MEIS1: variants seen among roughly 807,000 people sequenced by gnomAD.
MEIS1 encodes the protein homeobox protein Meis1.
MEIS1 carries 5 observed loss-of-function variants against 50.8 expected under a neutral mutation model. The ratio of observed to expected loss-of-function variants is 0.10; its 90% CI spans 0.05 to 0.21. The LOEUF is 0.21. MEIS1 is among the 10% of genes least tolerant of loss of function. The pLI is 1.00. For missense variants in MEIS1, 318 were observed against 517.3 expected (o/e 0.61, Z 3.74); for synonymous variants, 176 against 179.3 (o/e 0.98, Z 0.15).
At chr2:66,494,627 C>T (rs1190306713) in intron 7 of MEIS1, among the ~76,000 whole-genome samples, 3 of 152,190 alleles carry the variant, frequency 2.0e-5, no homozygotes, top group Non-Finnish European at 4.4e-5. Context: ...GGAAAATGCA[C>T]CTACCTCTGT....
intron 7 of MEIS1, among the ~76,000 whole-genome samples, chr2:66,489,386 A>G (rs190104089): frequency 4.6e-5 from 7 of 152,332 alleles, no homozygotes; most frequent in Non-Finnish European, 1.0e-4. Flanking sequence ...GAAACACTCT[A>G]TATTTCAACA....
At chr2:66,504,531 C>T (rs1269166203) in intron 7 of MEIS1, among the ~76,000 whole-genome samples, 3 of 152,148 alleles carry the variant, frequency 2.0e-5, no homozygotes, top group Middle Eastern at 3.4e-3. Flanking sequence ...CCACTGTGCC[C>T]GGCCTATTAA....
intron 7 of MEIS1, among the ~76,000 whole-genome samples, chr2:66,470,176 G>A (rs1277347102): frequency 1.3e-5 from 2 of 152,122 alleles, no homozygotes; most frequent in Non-Finnish European, 2.9e-5. Flanking sequence ...ACTTTTGGGA[G>A]GAGAGAAAAG....
intron 6 of MEIS1, among the ~76,000 whole-genome samples, chr2:66,446,555 T>A (rs1288149828): frequency 6.6e-6 from 1 of 152,130 alleles, no homozygotes; most frequent in Non-Finnish European, 1.5e-5. Context: ...ATGGTCCCTT[T>A]GGATTACAGT....
At chr2:66,564,057 A>G (rs947763004) in intron 9 of MEIS1, among the ~76,000 whole-genome samples, 2 of 152,170 alleles carry the variant, frequency 1.3e-5, no homozygotes, top group African/African-American at 4.8e-5. Flanking sequence ...GTTCTGAGAG[A>G]TTACTACATC....
intron 6 of MEIS1, among the ~76,000 whole-genome samples, chr2:66,451,701 T>C (rs1259638313): frequency 1.3e-5 from 2 of 152,064 alleles, no homozygotes; most frequent in Non-Finnish European, 2.9e-5. Flanking sequence ...AATTTCAAAC[T>C]ACATGATGTA....
intron 8 of MEIS1, 24 bp from the exon 9 acceptor site, chr2:66,547,918 AC>A: frequency 6.2e-7 from 1 of 1,611,816 alleles, no homozygotes; most frequent in Non-Finnish European, 8.5e-7. Flanking sequence ...CCTGATGCAC[AC>A]GTATCTTTTT....
At chr2:66,453,142 T>C (rs7593242) in intron 6 of MEIS1, among the ~76,000 whole-genome samples, 2,041 of 152,114 alleles carry the variant, frequency 0.013, 49 homozygotes, top group African/African-American at 0.047. Context: ...GCCATCCTAA[T>C]AGTGAATTGT....
intron 7 of MEIS1, among the ~76,000 whole-genome samples, chr2:66,473,378 C>CAAAAAAAAAAAAAAAA (rs71409174): frequency 3.7e-5 from 2 of 53,962 alleles, no homozygotes; most frequent in African/African-American, 2.9e-4. Flanking sequence ...GACTCCATGT[C>CAAAAAAAAAAAAAAAA]AAAAAAAAAA....
At chr2:66,568,514 CTGAG>C in intron 10 of MEIS1, 149 bp from the exon 11 acceptor site, 3 of 434,490 alleles carry the variant, frequency 6.9e-6, no homozygotes, top group Non-Finnish European at 1.2e-5. Context: ...TAGATCTAGT[CTGAG>C]AGAAATTTCA....
chr2:66,521,568 C>T (rs1674122676), intron 8 of MEIS1, among the ~76,000 whole-genome samples: 1 of 152,136 alleles, frequency 6.6e-6, no homozygotes, highest in Admixed American at 6.5e-5. Flanking sequence ...CATTTTAAAG[C>T]TAGTAATAAC....
intron 6 of MEIS1, chr2:66,443,790 C>A (rs564292400): frequency 3.5e-4 from 54 of 152,646 alleles, no homozygotes; most frequent in African/African-American, 1.2e-3. Flanking sequence ...ATCAGGGGCA[C>A]CCCGGCGGCT....
chr2:66,559,465 A>G (rs1675157310), intron 9 of MEIS1, among the ~76,000 whole-genome samples: 2 of 152,188 alleles, frequency 1.3e-5, no homozygotes, highest in East Asian at 1.9e-4. Context: ...AAATAGATAC[A>G]TTTATTCAGT....
rs941952453 is a variant in MEIS1 at position 66,487,959 on chromosome 2, C to T, written c.742+23739C>T. Among the ~76,000 whole-genome samples the T allele has an allele frequency of 9.2e-5, 14 of 152,174 alleles. No individual in the cohort carries two copies. The East Asian group carries it at 2.1e-3, about 23-fold the overall frequency. ...AAATTCTGAATCTAGGACTTAGCGT[C>T]AGTAATAGCCATCAAAAAGTACAAA... is the stretch of plus-strand genomic sequence containing the variant. On this transcript the variant is annotated intron_variant, in intron 7 of 12. Coordinates refer to ENST00000272369, the MANE Select transcript of MEIS1 (RefSeq NM_002398.3).
rs183298604 is a variant in MEIS1, at chr2:66,544,343, A to G, written c.889-3600A>G. On this transcript the variant is annotated intron_variant, in intron 8 of 12. Transcript: ENST00000272369. The stretch of plus-strand genomic sequence containing the variant: ...AGTAAAGATGCATAGGATTTAAGAT[A>G]TTGAAACATATTAGGTTTCAGTTTA... Among the ~76,000 whole-genome samples the G allele has an allele frequency of 9.3e-4, 141 of 152,280 alleles. 1 individual carries two copies. Among genetic ancestry groups the G allele is most frequent in the African/African-American group, 3.1e-3 (129 of 41,578 alleles).
intron 7 of MEIS1, among the ~76,000 whole-genome samples, chr2:66,503,784 G>A (rs547647738): frequency 5.1e-5 from 6 of 118,298 alleles, no homozygotes; most frequent in Non-Finnish European, 6.4e-5. Context: ...TAGCTCTGTC[G>A]CCCAGGCTGG....
At position 66,571,694 on chromosome 2, in the gene MEIS1, G is replaced by C. The variant is rs1259500600; in HGVS notation, c.*486G>C. On this transcript the variant is annotated 3_prime_UTR_variant, in exon 13 of 13. Coordinates refer to ENST00000272369, the MANE Select transcript of MEIS1 (RefSeq NM_002398.3). ...GGAAATACCAACTGAAGTCAATTTG[G>C]GGGACATGCTAAATAACTATATAAG... The C allele has an allele frequency of 1.4e-6, 1 of 703,914 alleles. No homozygotes were observed. The highest frequency in any genetic ancestry group is 1.8e-5 in the African/African-American group (1 of 55,402). The allele number at this position is 703,914 out of a possible 1,614,324, so 43.6% of individuals were successfully genotyped here. A position where few individuals can be genotyped will look rare whatever the true frequency, so the allele number is the denominator to read the frequency against.
At chr2:66,440,189 G>A (rs1392772920) in intron 3 of MEIS1, 1 of 625,406 alleles carries the variant, frequency 1.6e-6, no homozygotes, top group African/African-American at 1.9e-5. Flanking sequence ...TCTGTTTGCA[G>A]ATAACTTAAA....
chr2:66,539,261 T>C (rs547383238), intron 8 of MEIS1, among the ~76,000 whole-genome samples: 1 of 152,344 alleles, frequency 6.6e-6, no homozygotes, highest in South Asian at 2.1e-4. Context: ...GTGATGGGCA[T>C]GTGAGTTTCC....
Sources: allele counts gnomAD v4.1 joint callset (sites outside exome capture counted in the v4.1 genomes callset), GRCh38; gene constraint gnomAD v4.1.1; transcripts MANE v1.5; gene names NCBI Gene and HGNC (gene_info 2026-07-23, HGNC 2026-07-21).